Variants in WDR75 observed in about 807,000 individuals in gnomAD.
The protein encoded by WDR75 is WD repeat-containing protein 75.
Under a neutral mutation model 106.1 loss-of-function variants are expected in WDR75, and 52 were observed. The observed-to-expected ratio is 0.49, with a 90% CI of 0.39 to 0.62. The LOEUF (loss-of-function observed/expected upper bound fraction) is 0.62. WDR75 is among the 20% of genes least tolerant of loss of function. The pLI is 0.00. For synonymous variants in WDR75, 333 were observed against 335.5 expected (o/e 0.99, Z 0.08); for missense variants, 905 against 970.3 (o/e 0.93, Z 0.89).
At position 189,466,413 on chromosome 2, in the gene WDR75, C is replaced by T. The variant is rs372412333; in HGVS notation, c.1290-12C>T. The T allele has an allele frequency of 2.2e-5, 36 of 1,610,634 alleles. No individual in the cohort carries two copies. Among genetic ancestry groups the T allele is most frequent in the African/African-American group, 1.3e-4 (10 of 74,734 alleles). On this transcript the variant is annotated splice_polypyrimidine_tract_variant and intron_variant, in intron 12 of 20. Transcript: ENST00000314761. Reference sequence around the variant, plus strand: ...TCATGCAAGAATAAATTTGTGGTTTCCTTCCCGCTAGGTTTATTCTTAACA... The same window carrying T: ...TCATGCAAGAATAAATTTGTGGTTTTCTTCCCGCTAGGTTTATTCTTAACA...
At chr2:189,454,666 C>T (rs916504355) in intron 4 of WDR75, among the ~76,000 whole-genome samples, 5 of 152,042 alleles carry the variant, frequency 3.3e-5, no homozygotes, top group African/African-American at 9.6e-5. Flanking sequence ...GGACTACAGG[C>T]GCCCACCACC....
chr2:189,441,507 G>C lies in WDR75; in HGVS notation c.15G>C (p.Glu5Asp). The C allele has an allele frequency of 6.4e-7, 1 of 1,564,874 alleles. No homozygotes were observed. Residue 5 changes from glutamate to aspartate, a missense_variant, in exon 1 of 21, where the codon GAG (glutamate) becomes GAC (aspartate). Glu to Asp is a conservative substitution (Grantham distance 45, BLOSUM62 2). Transcript: ENST00000314761. Reference sequence around the variant, plus strand: ...ACTGCGCAAAGATGGTGGAGGAGGAGAACATCCGCGTGGTTCGTTGTGGCG... The same window carrying C: ...ACTGCGCAAAGATGGTGGAGGAGGACAACATCCGCGTGGTTCGTTGTGGCG... MVEE[E>D]NIRVVRCGGS...
chr2:189,463,820 C>A (rs1230008312), intron 10 of WDR75, 26 bp from the exon 11 acceptor site: 1 of 1,613,202 alleles, frequency 6.2e-7, no homozygotes, highest in Admixed American at 1.7e-5. Context: ...TCTTATTTCA[C>A]CTGTTATTTG....
intron 6 of WDR75, 80 bp from the exon 7 acceptor site, chr2:189,458,673 G>A: frequency 1.6e-6 from 2 of 1,254,116 alleles, no homozygotes; most frequent in Non-Finnish European, 2.1e-6. Flanking sequence ...CTATTGCTGG[G>A]AACTCTCTTT....
chr2:189,464,568 C>T (rs1392715845), intron 11 of WDR75, among the ~76,000 whole-genome samples: 1 of 152,090 alleles, frequency 6.6e-6, no homozygotes, highest in African/African-American at 2.4e-5. Context: ...ATTTAGTACA[C>T]TTAATAGTAG....
At chr2:189,442,491 C>T (rs1310220831) in intron 1 of WDR75, among the ~76,000 whole-genome samples, 4 of 128,514 alleles carry the variant, frequency 3.1e-5, no homozygotes, top group Admixed American at 1.8e-4. Context: ...CACTCTGTCA[C>T]CCAGGCTGGA....
Position 189,456,217 on chromosome 2 carries a change from C to T in WDR75, c.498+773C>T, listed in dbSNP as rs550651763. 1.3e-3 allele frequency among the ~76,000 whole-genome samples: 196 copies of T among 152,274 alleles called. 1 individual carries two copies. Among genetic ancestry groups the T allele is most frequent in the Middle Eastern group, 6.8e-3 (2 of 294 alleles). ...TAATTAAAACCGTAGCAACATACCACTTTAGGTCCACTAGAATAGCTAATG... is the reference window on the plus strand; with the variant it reads ...TAATTAAAACCGTAGCAACATACCATTTTAGGTCCACTAGAATAGCTAATG... On this transcript the variant is annotated intron_variant, in intron 5 of 20. Transcript: ENST00000314761.
At position 189,474,701 on chromosome 2, in the gene WDR75, T is replaced by G. The variant is rs774187867; in HGVS notation, c.2197-16T>G. On this transcript the variant is annotated splice_polypyrimidine_tract_variant and intron_variant, in intron 19 of 20. Coordinates refer to ENST00000314761, the MANE Select transcript of WDR75 (RefSeq NM_032168.3). ...TAAGCTTTTTAATTGCAACCGTGTT[T>G]TCTGTTTGACTCCAGCTTCTTCACA... 7 of 1,610,856 alleles carry G rather than the reference T, an allele frequency of 4.3e-6. No individual in the cohort carries two copies. Among genetic ancestry groups the G allele is most frequent in the Non-Finnish European group, 5.9e-6 (7 of 1,177,280 alleles).
chr2:189,461,592 G>C (rs1686883679), intron 8 of WDR75, among the ~76,000 whole-genome samples: 1 of 151,930 alleles, frequency 6.6e-6, no homozygotes, highest in South Asian at 2.1e-4. Context: ...AAATAAAATT[G>C]ATTGTTATAT....
At chr2:189,449,703 T>C in intron 2 of WDR75, 1 of 989,376 alleles carries the variant, frequency 1.0e-6, no homozygotes, top group Non-Finnish European at 1.2e-6. Flanking sequence ...ACAGTAATTA[T>C]ATGTTTGACT....
intron 7 of WDR75, 133 bp downstream of exon 7, chr2:189,459,005 C>T (rs1558985206): frequency 8.5e-7 from 1 of 1,170,424 alleles, no homozygotes; most frequent in South Asian, 2.1e-5. Flanking sequence ...TTCATACTTA[C>T]TGTTTTAGAA....
chr2:189,463,619 C>T (rs891790727), intron 9 of WDR75, 75 bp from the exon 10 acceptor site: 4 of 1,442,086 alleles, frequency 2.8e-6, no homozygotes, highest in Non-Finnish European at 3.8e-6. Flanking sequence ...GCATAAAAAG[C>T]CACCCTGAGC....
At chr2:189,474,423 T>C in intron 19 of WDR75, 91 bp downstream of exon 19, 1 of 1,417,128 alleles carries the variant, frequency 7.1e-7, no homozygotes, top group East Asian at 2.3e-5. Flanking sequence ...GTAATTTGTA[T>C]GCTGTACAAC....
chr2:189,446,468 A>G (rs1238834952), intron 1 of WDR75, among the ~76,000 whole-genome samples: 2 of 152,200 alleles, frequency 1.3e-5, no homozygotes, highest in African/African-American at 4.8e-5. Context: ...TTTGTTGCTC[A>G]TACATTCTTG....
chr2:189,441,529 G>A lies in WDR75; in HGVS notation c.37G>A (p.Gly13Ser). 6.4e-7 allele frequency: 1 copy of A among 1,565,402 alleles called. No individual in the cohort carries two copies. The highest frequency in any genetic ancestry group is 8.7e-7 in the Non-Finnish European group (1 of 1,153,696). The change falls in exon 1 of 21, where the codon GGC becomes AGC. Residue 13 changes from glycine to serine, a missense_variant. Coordinates refer to ENST00000314761, the MANE Select transcript of WDR75 (RefSeq NM_032168.3). The part of the protein sequence containing the change: ...EEENIRVVRC[G>S]GSELNFRRAV... ...GGAGAACATCCGCGTGGTTCGTTGT[G>A]GCGGCAGCGAGTTGAACTTTAGGAG...
Position 189,451,660 on chromosome 2 carries a change from A to T in WDR75, c.283-145A>T, listed in dbSNP as rs1171127345. The T allele has an allele frequency of 6.3e-6, 4 of 635,262 alleles. No homozygotes were observed. The East Asian group carries it at 7.7e-5, about 12-fold the overall frequency. The allele number at this position is 635,262 out of a possible 1,614,324, so 39.4% of individuals were successfully genotyped here. ...TCGAAAGAGTATTTAACAAATATGT[A>T]TTAGTTGTCTTCTGTAGGCCAGGTA... On this transcript the variant is annotated intron_variant, in intron 3 of 20. Coordinates refer to ENST00000314761, the MANE Select transcript of WDR75 (RefSeq NM_032168.3).
intron 11 of WDR75, among the ~76,000 whole-genome samples, chr2:189,464,431 ACAGAT>A: frequency 6.6e-6 from 1 of 152,136 alleles, no homozygotes; most frequent in African/African-American, 2.4e-5. Context: ...AGTACTCTTT[ACAGAT>A]CTCTGTCATA....
chr2:189,449,946 AACG>A (rs1285993208), intron 2 of WDR75: 2 of 984,860 alleles, frequency 2.0e-6, no homozygotes, highest in Non-Finnish European at 2.4e-6. Context: ...TTCCTATAAC[AACG>A]ACAACAAAAT....
intron 2 of WDR75, chr2:189,449,216 T>C: frequency 3.1e-6 from 4 of 1,295,174 alleles, no homozygotes; most frequent in Non-Finnish European, 4.1e-6. Context: ...TGCTCTTATT[T>C]TTAATCCAAT....
Sources: allele counts gnomAD v4.1 joint callset (sites outside exome capture counted in the v4.1 genomes callset), GRCh38; gene constraint gnomAD v4.1.1; transcripts MANE v1.5; gene names NCBI Gene and HGNC (gene_info 2026-07-23, HGNC 2026-07-21).